The following LRBA variants were observed in gnomAD, a reference collection of about 807,000 sequenced individuals.
The protein encoded by LRBA is lipopolysaccharide-responsive and beige-like anchor protein.
In LRBA, 176 loss-of-function variants were observed where a neutral mutation model predicts 330.0. The ratio of observed to expected loss-of-function variants is 0.53; its 90% CI spans 0.47 to 0.60. The LOEUF (loss-of-function observed/expected upper bound fraction) is 0.60, where lower values mean the gene tolerates loss of function less well. Ranked by LOEUF, LRBA falls within the 20% of genes least tolerant of loss-of-function variation. The probability of loss-of-function intolerance (pLI) is 0.00; values close to 1 mark genes in which losing one functional copy is unlikely to be tolerated. For synonymous variants in LRBA, 1,230 were observed against 1,193.0 expected (o/e 1.03, Z -0.64); for missense variants, 3,259 against 3,444.8 (o/e 0.95, Z 1.35).
intron 22 of LRBA, among the ~76,000 whole-genome samples, chr4:150,859,932 TAGAGA>T (rs1751684745): frequency 6.6e-6 from 1 of 152,202 alleles, no homozygotes; most frequent in Non-Finnish European, 1.5e-5. Context: ...CTTATATTTT[TAGAGA>T]AAAGAAAATT....
intron 17 of LRBA, among the ~76,000 whole-genome samples, chr4:150,885,118 GA>G (rs975222808): frequency 1.5e-4 from 20 of 132,828 alleles, no homozygotes; most frequent in Admixed American, 4.6e-4. Context: ...AAAAAACAGA[GA>G]AAAAAATGGG....
intron 47 of LRBA, among the ~76,000 whole-genome samples, chr4:150,377,598 A>T (rs1000244729): frequency 2.0e-5 from 3 of 152,126 alleles, no homozygotes; most frequent in African/African-American, 7.2e-5. Context: ...TCTTTCTAAG[A>T]ACTCCAGCTT....
At chr4:150,423,934 T>C (rs755112963) in intron 46 of LRBA, among the ~76,000 whole-genome samples, 5 of 152,168 alleles carry the variant, frequency 3.3e-5, no homozygotes, top group Non-Finnish European at 7.3e-5. Context: ...ACTCCAGAAG[T>C]TCAAATAAGA....
chr4:150,748,896 A>C (rs1268420110), intron 35 of LRBA, among the ~76,000 whole-genome samples: 1 of 152,158 alleles, frequency 6.6e-6, no homozygotes. Flanking sequence ...TTCGGCTTCC[A>C]CCAGGTGAAG....
intron 22 of LRBA, among the ~76,000 whole-genome samples, chr4:150,862,991 C>A (rs1329524088): frequency 6.7e-6 from 1 of 149,714 alleles, no homozygotes; most frequent in African/African-American, 2.4e-5. Context: ...TTAAAAAAGA[C>A]ACACACACAC....
At chr4:150,924,345 C>G (rs190051686) in intron 4 of LRBA, among the ~76,000 whole-genome samples, 7 of 152,132 alleles carry the variant, frequency 4.6e-5, no homozygotes, top group Admixed American at 3.9e-4. Flanking sequence ...AACTCCATCT[C>G]TAGAAAACAA....
At chr4:150,549,333 ATTTT>A (rs1210978623) in intron 40 of LRBA, among the ~76,000 whole-genome samples, 1 of 143,048 alleles carries the variant, frequency 7.0e-6, no homozygotes, top group Non-Finnish European at 1.5e-5. Context: ...ATTTTATTTT[ATTTT>A]TTTATTTTTT....
chr4:150,573,096 C>T (rs1472517306), intron 40 of LRBA, among the ~76,000 whole-genome samples: 3 of 152,128 alleles, frequency 2.0e-5, no homozygotes, highest in Non-Finnish European at 4.4e-5. Flanking sequence ...AGAAACCTGA[C>T]CTTTTAAGTT....
chr4:150,325,257 G>T (rs1733087902), intron 49 of LRBA, among the ~76,000 whole-genome samples: 1 of 152,090 alleles, frequency 6.6e-6, no homozygotes, highest in African/African-American at 2.4e-5. Context: ...GAGCAGAAAA[G>T]ATTTTCATCT....
intron 14 of LRBA, among the ~76,000 whole-genome samples, chr4:150,899,549 A>G (rs1730494165): frequency 6.6e-6 from 1 of 152,192 alleles, no homozygotes. Context: ...ATGAACTGCT[A>G]GACATGATGA....
At chr4:150,780,245 T>G (rs1578757807) in intron 34 of LRBA, among the ~76,000 whole-genome samples, 1 of 152,168 alleles carries the variant, frequency 6.6e-6, no homozygotes, top group South Asian at 2.1e-4. Flanking sequence ...TAACTCCAAA[T>G]AAAACATAAA....
At chr4:150,454,980 T>C (rs568442117) in intron 44 of LRBA, among the ~76,000 whole-genome samples, 13 of 58,462 alleles carry the variant, frequency 2.2e-4, no homozygotes, top group Non-Finnish European at 4.6e-4. Flanking sequence ...TTATTTTTTA[T>C]TTTTTTTATT....
intron 37 of LRBA, among the ~76,000 whole-genome samples, chr4:150,619,275 A>G (rs983436408): frequency 2.6e-5 from 4 of 152,122 alleles, no homozygotes; most frequent in African/African-American, 9.7e-5. Context: ...ATTGGGAAAA[A>G]GGCTTGAGTT....
rs546222764 is a variant in LRBA at position 150,290,414 on chromosome 4, G to A, written c.8018-4380C>T. 1.1e-4 allele frequency among the ~76,000 whole-genome samples: 16 copies of A among 152,272 alleles called. No individual in the cohort carries two copies. In the South Asian group the frequency reaches 3.3e-3, roughly 32 times the overall value. The stretch of plus-strand genomic sequence containing the variant: ...GTCTTTACCTTTGCTTTCTGAGATA[G>A]TAGGATCTCCCAAAGGCTAGACCAT... On this transcript the variant is annotated intron_variant, in intron 53 of 56. Transcript: ENST00000651943.
intron 37 of LRBA, among the ~76,000 whole-genome samples, chr4:150,629,253 T>C (rs567931724): frequency 6.6e-6 from 1 of 152,344 alleles, no homozygotes; most frequent in South Asian, 2.1e-4. Flanking sequence ...ATTCCAATAC[T>C]GTTTCTTTAG....
At chr4:150,600,810 C>A (rs984227208) in intron 37 of LRBA, among the ~76,000 whole-genome samples, 2 of 152,174 alleles carry the variant, frequency 1.3e-5, no homozygotes, top group Admixed American at 6.5e-5. Context: ...AAATGAAATT[C>A]TCCTTAGGTG....
intron 37 of LRBA, among the ~76,000 whole-genome samples, chr4:150,662,812 T>TA (rs1561489312): frequency 6.6e-6 from 1 of 151,834 alleles, no homozygotes; most frequent in African/African-American, 2.4e-5. Context: ...ACAAAAAAAT[T>TA]AAAAAATTAG....
chr4:150,422,025 A>AATTGAGT (rs1230554597), intron 46 of LRBA, among the ~76,000 whole-genome samples: 2 of 152,216 alleles, frequency 1.3e-5, no homozygotes, highest in Non-Finnish European at 2.9e-5. Flanking sequence ...TGGGAGGCCA[A>AATTGAGT]GGTGGGAGGA....
intron 40 of LRBA, among the ~76,000 whole-genome samples, chr4:150,521,905 T>A (rs1396129664): frequency 1.3e-5 from 2 of 152,204 alleles, no homozygotes; most frequent in African/African-American, 4.8e-5. Flanking sequence ...TACCTATTGT[T>A]CTATCAGTTA....
Sources: gnomAD v4.1 joint callset for allele counts (sites outside exome capture counted in the v4.1 genomes callset) on GRCh38, gnomAD v4.1.1 for gene constraint, MANE v1.5 for transcripts, NCBI Gene and HGNC (gene_info 2026-07-23, HGNC 2026-07-21) for gene names.